Variants in EFCAB5 observed in about 807,000 individuals in gnomAD.
The protein encoded by EFCAB5 is EF-hand calcium binding domain 5, also known as EF-hand calcium-binding domain-containing protein 5.
Under a neutral mutation model 167.9 loss-of-function variants are expected in EFCAB5, and 131 were observed. The observed-to-expected ratio is 0.78, with a 90% confidence interval of 0.68 to 0.90. The LOEUF (loss-of-function observed/expected upper bound fraction) is 0.90. Among genes scored for constraint, EFCAB5 ranks in the 40% least tolerant of loss-of-function variants. EFCAB5 has a pLI of 0.00. For synonymous variants in EFCAB5, 574 were observed against 602.8 expected (o/e 0.95, Z 0.70); for missense variants, 1,663 against 1,745.2 (o/e 0.95, Z 0.84).
chr17:30,082,771 T>A, intron 17 of EFCAB5, 120 bp from the exon 18 acceptor site: 2 of 1,056,178 alleles, frequency 1.9e-6, no homozygotes, highest in Non-Finnish European at 2.6e-6. Context: ...CTGAATAATT[T>A]GTAGGAAGTA....
At chr17:29,974,747 G>A (rs2068030553) in intron 4 of EFCAB5, among the ~76,000 whole-genome samples, 1 of 152,134 alleles carries the variant, frequency 6.6e-6, no homozygotes, top group Non-Finnish European at 1.5e-5. Flanking sequence ...CAACTTCTCA[G>A]TTCTGCTGCT....
intron 9 of EFCAB5, 140 bp downstream of exon 9, chr17:30,051,357 TGATAAC>T (rs2070092162): frequency 1.6e-5 from 10 of 636,578 alleles, no homozygotes; most frequent in Non-Finnish European, 2.6e-5. Flanking sequence ...TCTTAGATCA[TGATAAC>T]TGTATCTAGT....
intron 7 of EFCAB5, among the ~76,000 whole-genome samples, chr17:30,007,501 G>C (rs1032215417): frequency 1.3e-5 from 2 of 152,098 alleles, no homozygotes; most frequent in African/African-American, 4.8e-5. Context: ...CTATTATTAA[G>C]AGAATATTGT....
At chr17:29,979,644 C>A (rs777130300) in intron 4 of EFCAB5, among the ~76,000 whole-genome samples, 1 of 152,178 alleles carries the variant, frequency 6.6e-6, no homozygotes, top group South Asian at 2.1e-4. Context: ...TATAGCACCA[C>A]TTTTGTCACA....
chr17:29,983,137 C>G (rs1341048715), intron 4 of EFCAB5, among the ~76,000 whole-genome samples: 2 of 152,230 alleles, frequency 1.3e-5, no homozygotes, highest in Non-Finnish European at 2.9e-5. Context: ...TAGACTCACT[C>G]ATGAGATGCA....
rs112812719 is a variant in EFCAB5 at position 30,053,120 on chromosome 17, A to C, written c.1301-135A>C. The stretch of plus-strand genomic sequence containing the variant: ...TTTTTATTGTGTTGCAGCCAAAGAT[A>C]ACTGATATTTATTTAGAGCAATAGG... On this transcript the variant is annotated intron_variant, in intron 9 of 22. Coordinates refer to ENST00000394835, the MANE Select transcript of EFCAB5 (RefSeq NM_198529.4). The C allele has an allele frequency of 2.6e-3, 2,606 of 1,008,390 alleles. 6 individuals are homozygous for C. The highest frequency in any genetic ancestry group is 3.4e-3 in the Admixed American group (119 of 35,344). 62.5% of individuals were successfully genotyped at this position (1,008,390 alleles called of 1,614,324 possible).
intron 5 of EFCAB5, among the ~76,000 whole-genome samples, chr17:29,994,283 T>C (rs930193355): frequency 6.6e-6 from 1 of 151,012 alleles, no homozygotes; most frequent in African/African-American, 2.4e-5. Context: ...TAAAATGTTT[T>C]TAAAAATGGA....
rs373064647 is a variant in EFCAB5, at chr17:30,054,027, G to A, written c.2073G>A (p.Glu691=). The change falls in exon 10 of 23, where the codon GAG becomes GAA. Residue 691 remains glutamate, a synonymous_variant. Transcript: ENST00000394835. The part of the protein sequence containing the change: ...STKYGEPITS[E]YIEVPLQEKR... ...AATATGGGGAACCTATAACCTCTGAGTACATTGAAGTCCCTCTACAGGAAA... is the reference window on the plus strand; with the variant it reads ...AATATGGGGAACCTATAACCTCTGAATACATTGAAGTCCCTCTACAGGAAA... 10 of 1,607,134 alleles carry A rather than the reference G, an allele frequency of 6.2e-6. No homozygotes were observed. The highest frequency in any genetic ancestry group is 7.7e-6 in the Non-Finnish European group (9 of 1,176,154).
intron 7 of EFCAB5, among the ~76,000 whole-genome samples, chr17:30,031,014 A>T (rs2069466135): frequency 6.6e-6 from 1 of 152,124 alleles, no homozygotes; most frequent in Non-Finnish European, 1.5e-5. Flanking sequence ...TGTTCTTCCA[A>T]ATACCAATTT....
intron 4 of EFCAB5, among the ~76,000 whole-genome samples, chr17:29,984,477 T>A (rs1212852877): frequency 6.6e-6 from 1 of 152,096 alleles, no homozygotes; most frequent in Non-Finnish European, 1.5e-5. Context: ...CCCAGCACTT[T>A]GGGAGGCCGA....
intron 8 of EFCAB5, among the ~76,000 whole-genome samples, chr17:30,038,192 A>G (rs1230516093): frequency 6.6e-6 from 1 of 152,222 alleles, no homozygotes; most frequent in African/African-American, 2.4e-5. Flanking sequence ...GCCTGGCTTC[A>G]AAGCTTCAAA....
intron 7 of EFCAB5, among the ~76,000 whole-genome samples, chr17:30,025,427 A>C (rs1445169179): frequency 6.6e-6 from 1 of 152,198 alleles, no homozygotes; most frequent in Non-Finnish European, 1.5e-5. Context: ...AATGCTCATC[A>C]TCACTGGCCA....
chr17:30,092,558 T>G (rs2071221742), intron 21 of EFCAB5, among the ~76,000 whole-genome samples: 1 of 152,116 alleles, frequency 6.6e-6, no homozygotes. Context: ...CAGCTAATTT[T>G]CTGTATTTTT....
intron 4 of EFCAB5, among the ~76,000 whole-genome samples, chr17:29,980,682 T>G (rs887684563): frequency 6.6e-6 from 1 of 152,238 alleles, no homozygotes; most frequent in Non-Finnish European, 1.5e-5. Context: ...TTCTTTAACC[T>G]GTCACTCTAT....
In EFCAB5 at chr17:29,993,185, A is replaced by G; in HGVS notation, c.788A>G (p.Asn263Ser). The G allele has an allele frequency of 6.2e-7, 1 of 1,611,936 alleles. No homozygotes were observed. Among genetic ancestry groups the G allele is most frequent in the Non-Finnish European group, 8.5e-7 (1 of 1,178,888 alleles). ...TGCAGAGTATCCAAGATGAAGGAGA[A>G]TGTTAAACAGAATAGAAAACAAAGA... ...ICNRVSKMKE[N>S]VKQNRKQRES... The change falls in exon 5 of 23, where the codon AAT (asparagine) becomes AGT (serine). Residue 263 changes from asparagine (N) to serine (S), a missense_variant. Asn to Ser is a conservative substitution (Grantham distance 46, BLOSUM62 1). Coordinates refer to ENST00000394835, the MANE Select transcript of EFCAB5 (RefSeq NM_198529.4).
At chr17:29,947,397 G>A (rs1181760529) in intron 3 of EFCAB5, among the ~76,000 whole-genome samples, 1 of 151,948 alleles carries the variant, frequency 6.6e-6, no homozygotes, top group Non-Finnish European at 1.5e-5. Flanking sequence ...CGATATAATG[G>A]GCTATGGAGA....
At position 30,080,778 on chromosome 17, in the gene EFCAB5, C is replaced by A. The variant is rs1597782024; in HGVS notation, c.3223C>A (p.Pro1075Thr). ...CTTTACAGTAGTGGATGAAGGGAAG[C>A]CAATCCATGTTCCCCAAGTTCAGTA... is the stretch of plus-strand genomic sequence containing the variant. The part of the protein sequence containing the change: ...ISFTVVDEGK[P>T]IHVPQVQYHG... Residue 1075 changes from proline (P) to threonine (T), a missense_variant, in exon 17 of 23, where the codon CCA becomes ACA. Transcript: ENST00000394835. 2 of 1,608,528 alleles carry A rather than the reference C, an allele frequency of 1.2e-6. No homozygotes were observed. Among genetic ancestry groups the A allele is most frequent in the East Asian group, 4.5e-5 (2 of 44,832 alleles).
At chr17:29,933,774 A>G (rs1220586646) in intron 1 of EFCAB5, among the ~76,000 whole-genome samples, 3 of 152,168 alleles carry the variant, frequency 2.0e-5, no homozygotes, top group Non-Finnish European at 4.4e-5. Context: ...CTCCAGAAAA[A>G]TGTACTTGCA....
At chr17:29,957,675 CT>C (rs2067644030) in intron 3 of EFCAB5, among the ~76,000 whole-genome samples, 1 of 152,204 alleles carries the variant, frequency 6.6e-6, no homozygotes, top group Non-Finnish European at 1.5e-5. Flanking sequence ...CTTTTTATGG[CT>C]GCATAGTATT....
Sources: allele counts gnomAD v4.1 joint callset (sites outside exome capture counted in the v4.1 genomes callset), GRCh38; gene constraint gnomAD v4.1.1; transcripts MANE v1.5; gene names NCBI Gene and HGNC (gene_info 2026-07-23, HGNC 2026-07-21).